CSMD3: variants seen among roughly 807,000 people sequenced by gnomAD.
CSMD3 encodes the protein CUB and Sushi multiple domains 3.
A neutral mutation model predicts 435.2 loss-of-function variants in CSMD3; 177 were observed. That is an observed-to-expected ratio of 0.41 (90% CI 0.36 to 0.46). The LOEUF is 0.46. CSMD3 is among the 20% of genes least tolerant of loss of function. CSMD3 has a pLI of 0.34. For synonymous variants in CSMD3, 1,656 were observed against 1,520.5 expected (o/e 1.09, Z -2.07); for missense variants, 4,265 against 4,504.6 (o/e 0.95, Z 1.52).
At chr8:112,983,326 T>C (rs914178390) in intron 6 of CSMD3, among the ~76,000 whole-genome samples, 3 of 151,784 alleles carry the variant, frequency 2.0e-5, no homozygotes, top group Non-Finnish European at 4.4e-5. Flanking sequence ...TTGGGACCTA[T>C]GGAAGTGTCA....
chr8:112,241,110 G>C (rs909129751), intron 66 of CSMD3, among the ~76,000 whole-genome samples: 1 of 151,912 alleles, frequency 6.6e-6, no homozygotes, highest in African/African-American at 2.4e-5. Context: ...CACTTCATTT[G>C]CATGAAGCTT....
In CSMD3 at chr8:112,492,520, A is replaced by G. The variant is rs369869434; in HGVS notation, c.5247T>C (p.Pro1749=). 1.9e-6 allele frequency: 3 copies of G among 1,614,024 alleles called. No homozygotes were observed. The highest frequency in any genetic ancestry group is 2.5e-6 in the Non-Finnish European group (3 of 1,179,898). ...LTCIMGDDGR[P]GWNRALPSCH... ...AACTTGGCAAGGCTCTATTCCATCC[A>G]GGTCTTCCATCATCTCCCATGATAC... is the stretch of plus-strand genomic sequence containing the variant. Residue 1749 remains proline, a synonymous_variant, in exon 31 of 71, where the codon CCT becomes CCC. Coordinates refer to ENST00000297405, the MANE Select transcript of CSMD3 (RefSeq NM_198123.2).
At position 112,314,469 on chromosome 8, in the gene CSMD3, G is replaced by T. The variant is rs2130836278; in HGVS notation, c.7509C>A (p.Phe2503Leu). Residue 2503 changes from phenylalanine (F) to leucine (L), a missense_variant, in exon 48 of 71, where the codon TTC becomes TTA. Transcript: ENST00000297405. ...GYNITMFVEF[F>L]QTEKEFDVLQ... is the part of the protein sequence containing the mutation. ...GAACATCAAATTCCTTTTCTGTCTG[G>T]AAGAATTCTACAAACATGGTGATAT... 6.2e-7 allele frequency: 1 copy of T among 1,612,228 alleles called. No individual in the cohort carries two copies. The highest frequency in any genetic ancestry group is 1.1e-5 in the South Asian group (1 of 91,054).
Position 112,636,884 on chromosome 8 carries a change from T to C in CSMD3, c.3648A>G (p.Gly1216=), listed in dbSNP as rs770171815. The C allele has an allele frequency of 1.9e-6, 3 of 1,613,352 alleles. No individual in the cohort carries two copies. The African/African-American group carries it at 4.0e-5, about 22-fold the overall frequency. The stretch of plus-strand genomic sequence containing the variant: ...CACCAAGACAGATGATCTCTGATGT[T>C]CCTTCCAGTCGATAACCCGAAGAGC... The part of the protein sequence containing the change: ...FSCSSGYRLE[G]TSEIICLGGG... Residue 1216 remains glycine (G), a synonymous_variant, in exon 22 of 71, where the codon GGA becomes GGG. Coordinates refer to ENST00000297405, the MANE Select transcript of CSMD3 (RefSeq NM_198123.2).
At chr8:112,525,391 T>C (rs1387065642) in intron 27 of CSMD3, among the ~76,000 whole-genome samples, 1 of 150,122 alleles carries the variant, frequency 6.7e-6, no homozygotes. Flanking sequence ...CTTTATTCTA[T>C]CCCAGAATAA....
intron 38 of CSMD3, among the ~76,000 whole-genome samples, chr8:112,360,984 G>T (rs948506232): frequency 6.6e-6 from 1 of 151,836 alleles, no homozygotes; most frequent in African/African-American, 2.4e-5. Context: ...TCTCCAAGTG[G>T]TTAAATATTA....
At chr8:112,812,402 C>A (rs1419049245) in intron 12 of CSMD3, among the ~76,000 whole-genome samples, 1 of 152,128 alleles carries the variant, frequency 6.6e-6, no homozygotes, top group Non-Finnish European at 1.5e-5. Context: ...CAAGGAAAAC[C>A]TGGGGAGAAG....
chr8:112,685,868 A>C, intron 14 of CSMD3, 136 bp from the exon 15 acceptor site: 1 of 667,052 alleles, frequency 1.5e-6, no homozygotes. Context: ...ATAAAACAGA[A>C]CAAAACGGTT....
At chr8:112,629,620 G>A (rs2074456761) in intron 22 of CSMD3, among the ~76,000 whole-genome samples, 1 of 152,124 alleles carries the variant, frequency 6.6e-6, no homozygotes. Flanking sequence ...GTAAAGAAAT[G>A]TCAGTAGAAG....
chr8:112,534,158 A>G (rs574734830), intron 27 of CSMD3, among the ~76,000 whole-genome samples: 1 of 152,302 alleles, frequency 6.6e-6, no homozygotes, highest in South Asian at 2.1e-4. Context: ...GCAGAAGGCA[A>G]GAAATAACTA....
intron 7 of CSMD3, among the ~76,000 whole-genome samples, chr8:112,967,832 GA>G (rs1251798427): frequency 7.8e-6 from 1 of 127,986 alleles, no homozygotes; most frequent in African/African-American, 2.9e-5. Context: ...TTGTGAGAGA[GA>G]AAAAAAAATT....
chr8:112,533,981 C>A (rs539175090), intron 27 of CSMD3, among the ~76,000 whole-genome samples: 2 of 151,928 alleles, frequency 1.3e-5, no homozygotes, highest in South Asian at 4.2e-4. Flanking sequence ...GTACAAATAA[C>A]ATGGAAATTA....
chr8:113,111,122 C>T (rs1005163085), intron 4 of CSMD3, among the ~76,000 whole-genome samples: 7 of 152,168 alleles, frequency 4.6e-5, no homozygotes, highest in Middle Eastern at 6.8e-3. Flanking sequence ...TAAATTTAGA[C>T]CACAGCATGG....
chr8:112,860,349 T>C (rs542801310), intron 10 of CSMD3, among the ~76,000 whole-genome samples: 1 of 151,964 alleles, frequency 6.6e-6, no homozygotes, highest in African/African-American at 2.4e-5. Flanking sequence ...TTTAATTATC[T>C]TGTGAGTGTG....
At chr8:112,589,891 A>T (rs1282706986) in intron 22 of CSMD3, among the ~76,000 whole-genome samples, 1 of 152,180 alleles carries the variant, frequency 6.6e-6, no homozygotes, top group Non-Finnish European at 1.5e-5. Flanking sequence ...GTATACCGCT[A>T]TCACTGAACA....
intron 13 of CSMD3, among the ~76,000 whole-genome samples, chr8:112,796,095 T>A (rs1237421649): frequency 6.6e-6 from 1 of 152,130 alleles, no homozygotes; most frequent in Non-Finnish European, 1.5e-5. Context: ...GCTCAGTAAT[T>A]TAACTCAGTC....
At chr8:112,398,301 C>A (rs1360847476) in intron 35 of CSMD3, among the ~76,000 whole-genome samples, 1 of 152,166 alleles carries the variant, frequency 6.6e-6, no homozygotes, top group Non-Finnish European at 1.5e-5. Context: ...TATAGTCTTA[C>A]TTCTGTAGGT....
intron 59 of CSMD3, among the ~76,000 whole-genome samples, chr8:112,266,997 T>A (rs1049401693): frequency 5.3e-5 from 8 of 151,844 alleles, no homozygotes; most frequent in Non-Finnish European, 1.2e-4. Context: ...ATCTGGGTTA[T>A]TTTTTTTCTC....
chr8:112,320,638 C>A (rs191576061), intron 45 of CSMD3, among the ~76,000 whole-genome samples: 4 of 140,052 alleles, frequency 2.9e-5, no homozygotes, highest in East Asian at 2.4e-4. Flanking sequence ...ATCCCTCCCC[C>A]CTCCCCTCCA....
Sources: gnomAD v4.1 joint callset for allele counts (sites outside exome capture counted in the v4.1 genomes callset) on GRCh38, gnomAD v4.1.1 for gene constraint, MANE v1.5 for transcripts, NCBI Gene and HGNC (gene_info 2026-07-23, HGNC 2026-07-21) for gene names.